MARCHF6: variants seen among roughly 807,000 people sequenced by gnomAD.
MARCHF6 encodes the protein membrane associated ring-CH-type finger 6.
A neutral mutation model predicts 133.7 loss-of-function variants in MARCHF6; 31 were observed. The ratio of observed to expected loss-of-function variants is 0.23; its 90% CI spans 0.17 to 0.31. The LOEUF is 0.31. Ranked by LOEUF, MARCHF6 falls within the 10% of genes least tolerant of loss-of-function variation. The pLI, the probability that MARCHF6 is intolerant of heterozygous loss-of-function variation, is 1.00. For missense variants in MARCHF6, 723 were observed against 1,121.6 expected, an observed-to-expected ratio of 0.64 and a Z score of 5.08; for synonymous variants, 395 against 402.5, an observed-to-expected ratio of 0.98 and a Z score of 0.22.
chr5:10,376,743 T>C (rs1245194603), intron 1 of MARCHF6, among the ~76,000 whole-genome samples: 1 of 152,174 alleles, frequency 6.6e-6, no homozygotes, highest in Non-Finnish European at 1.5e-5. Context: ...CCTGTGATGC[T>C]CTTAAATGCC....
chr5:10,390,231 T>TG (rs1436453135), intron 5 of MARCHF6, 101 bp from the exon 6 acceptor site: 7 of 862,218 alleles, frequency 8.1e-6, no homozygotes, highest in African/African-American at 1.7e-5. Flanking sequence ...TCTGGCTGTT[T>TG]TTTTTTTTTC....
intron 25 of MARCHF6, among the ~76,000 whole-genome samples, chr5:10,433,182 G>A (rs3852168): frequency 0.51 from 77,180 of 152,068 alleles, 22,158 homozygotes; most frequent in Non-Finnish European, 0.65. Context: ...GAGCCACCAC[G>A]CCCAGCCCCT....
chr5:10,412,009 G>A (rs1479977867), intron 19 of MARCHF6, among the ~76,000 whole-genome samples: 1 of 152,186 alleles, frequency 6.6e-6, no homozygotes, highest in Non-Finnish European at 1.5e-5. Context: ...AATGTAAGCT[G>A]ATGACTGCTA....
intron 1 of MARCHF6, among the ~76,000 whole-genome samples, chr5:10,370,849 A>G (rs1021935678): frequency 6.6e-6 from 1 of 152,172 alleles, no homozygotes. Flanking sequence ...TTTTATCTTT[A>G]TATTTCAGTA....
intron 24 of MARCHF6, among the ~76,000 whole-genome samples, chr5:10,429,502 G>A (rs1484502221): frequency 2.6e-5 from 4 of 151,332 alleles, no homozygotes; most frequent in African/African-American, 7.3e-5. Flanking sequence ...AGGTTCAAGC[G>A]ATTCTCCCAC....
At chr5:10,354,148 C>CCGGGGCCGGGGT (rs1264430110) in intron 1 of MARCHF6, among the ~76,000 whole-genome samples, 1 of 151,872 alleles carries the variant, frequency 6.6e-6, no homozygotes, top group African/African-American at 2.4e-5. Flanking sequence ...CGGGCAGGGG[C>CCGGGGCCGGGGT]CGGGGCCGGG....
chr5:10,412,402 G>A (rs760651728), intron 19 of MARCHF6, among the ~76,000 whole-genome samples: 32 of 152,168 alleles, frequency 2.1e-4, no homozygotes, highest in Non-Finnish European at 4.3e-4. Context: ...AGAACCACTT[G>A]TTCTTAATAT....
intron 1 of MARCHF6, among the ~76,000 whole-genome samples, chr5:10,357,071 C>T (rs977787960): frequency 6.6e-6 from 1 of 152,100 alleles, no homozygotes; most frequent in Non-Finnish European, 1.5e-5. Flanking sequence ...CAACTGCTAT[C>T]CATCCTGACA....
At chr5:10,411,569 AGGTTTTTTT>A (rs1739233334) in intron 19 of MARCHF6, 32 bp downstream of exon 19, 7 of 1,557,320 alleles carry the variant, frequency 4.5e-6, no homozygotes, top group Admixed American at 2.1e-5. Flanking sequence ...TCACATATAG[AGGTTTTTTT>A]GGTTTTTTTG....
chr5:10,415,950 A>T (rs1210167231), intron 21 of MARCHF6, among the ~76,000 whole-genome samples: 1 of 152,234 alleles, frequency 6.6e-6, no homozygotes, highest in Non-Finnish European at 1.5e-5. Context: ...AGGCAGGAGG[A>T]TTGCTTGATC....
intron 17 of MARCHF6, among the ~76,000 whole-genome samples, chr5:10,407,961 C>A (rs938235511): frequency 7.0e-6 from 1 of 142,354 alleles, no homozygotes; most frequent in East Asian, 2.3e-4. Flanking sequence ...CATCCCCCCC[C>A]CCCCAAAAAA....
intron 1 of MARCHF6, among the ~76,000 whole-genome samples, chr5:10,376,320 A>G (rs952064177): frequency 2.0e-5 from 3 of 152,138 alleles, no homozygotes; most frequent in Non-Finnish European, 4.4e-5. Context: ...TAAGAGCTGT[A>G]ACACTCACCG....
intron 25 of MARCHF6, among the ~76,000 whole-genome samples, chr5:10,430,626 CCAAATAGTTTTTCAGTCTGTTTT>C (rs1423348154): frequency 1.3e-5 from 2 of 152,068 alleles, no homozygotes; most frequent in Non-Finnish European, 2.9e-5. Context: ...AATGTCCATT[CCAAATAGTTTTTCAGTCTGTTTT>C]CAAATGTTCT....
intron 23 of MARCHF6, 47 bp from the exon 24 acceptor site, chr5:10,426,343 G>T (rs771507028): frequency 1.6e-5 from 25 of 1,597,084 alleles, no homozygotes; most frequent in Non-Finnish European, 2.1e-5. Flanking sequence ...TAACTTGGAG[G>T]AATTTGTCTT....
At chr5:10,375,727 A>G (rs570939202) in intron 1 of MARCHF6, among the ~76,000 whole-genome samples, 2 of 152,318 alleles carry the variant, frequency 1.3e-5, no homozygotes, top group African/African-American at 4.8e-5. Flanking sequence ...GCACCAGTTG[A>G]CACTCTGTAT....
At chr5:10,361,734 C>T (rs1735838571) in intron 1 of MARCHF6, among the ~76,000 whole-genome samples, 1 of 152,022 alleles carries the variant, frequency 6.6e-6, no homozygotes, top group African/African-American at 2.4e-5. Context: ...ATTCCCTGTA[C>T]ACTTATTTTT....
intron 10 of MARCHF6, among the ~76,000 whole-genome samples, chr5:10,397,771 G>T (rs1314044889): frequency 6.6e-6 from 1 of 152,124 alleles, no homozygotes; most frequent in East Asian, 1.9e-4. Context: ...GTGTAGGCTT[G>T]TGGGAAGACA....
chr5:10,401,594 T>C, intron 11 of MARCHF6: 1 of 162,688 alleles, frequency 6.1e-6, no homozygotes. Flanking sequence ...ATTCTTTCTA[T>C]AAGTTGAGAA....
At chr5:10,378,519 A>G (rs1736923226) in intron 2 of MARCHF6, among the ~76,000 whole-genome samples, 1 of 152,202 alleles carries the variant, frequency 6.6e-6, no homozygotes. Context: ...TGAGGAAATT[A>G]CAGTTTTGAT....
Sources: gnomAD v4.1 joint callset for allele counts (sites outside exome capture counted in the v4.1 genomes callset) on GRCh38, gnomAD v4.1.1 for gene constraint, MANE v1.5 for transcripts, NCBI Gene and HGNC (gene_info 2026-07-23, HGNC 2026-07-21) for gene names.